SIK3: variants seen among roughly 807,000 people sequenced by gnomAD.
SIK3 encodes SIK family kinase 3, also known as serine/threonine-protein kinase SIK3.
SIK3 carries 28 observed loss-of-function variants against 144.2 expected under a neutral mutation model. The ratio of observed to expected loss-of-function variants is 0.19; its 90% confidence interval spans 0.14 to 0.27. The LOEUF is 0.27. Among genes scored for constraint, SIK3 ranks in the 10% least tolerant of loss-of-function variants. SIK3 has a pLI of 1.00. For synonymous variants in SIK3, 686 were observed against 676.3 expected, an observed-to-expected ratio of 1.01 and a Z score of -0.22; for missense variants, 1,319 against 1,776.0, an observed-to-expected ratio of 0.74 and a Z score of 4.62.
At chr11:117,073,784 G>A (rs1278990379) in intron 1 of SIK3, among the ~76,000 whole-genome samples, 2 of 152,192 alleles carry the variant, frequency 1.3e-5, no homozygotes, top group Admixed American at 1.3e-4. Flanking sequence ...GAAGAAGGCT[G>A]TTTCTCAGTC....
intron 15 of SIK3, chr11:116,865,033 T>A (rs1021928392): frequency 2.0e-5 from 3 of 152,158 alleles, no homozygotes; most frequent in African/African-American, 4.8e-5. Context: ...AGCACGAACA[T>A]GTATTTGGTT....
intron 22 of SIK3, among the ~76,000 whole-genome samples, chr11:116,848,595 G>A (rs145971889): frequency 1.3e-5 from 2 of 152,286 alleles, no homozygotes; most frequent in African/African-American, 4.8e-5. Flanking sequence ...AGTTTAGACT[G>A]AGAAGAGGTT....
intron 4 of SIK3, among the ~76,000 whole-genome samples, chr11:116,907,989 A>T (rs1186134178): frequency 9.8e-5 from 5 of 50,832 alleles, no homozygotes; most frequent in Non-Finnish European, 4.4e-4. Flanking sequence ...TTTTTATTTA[A>T]AAAAAAAAAA....
At chr11:116,965,167 A>G (rs667119) in intron 1 of SIK3, among the ~76,000 whole-genome samples, 1 of 152,112 alleles carries the variant, frequency 6.6e-6, no homozygotes, top group Non-Finnish European at 1.5e-5. Context: ...TTTAAAGACA[A>G]AAAGAAAATG....
chr11:117,070,973 C>CCCACG (rs1954251392), intron 1 of SIK3, among the ~76,000 whole-genome samples: 1 of 152,006 alleles, frequency 6.6e-6, no homozygotes, highest in East Asian at 1.9e-4. Context: ...AGGTGATCCA[C>CCCACG]CCACGTCGGC....
At position 116,870,076 on chromosome 11, in the gene SIK3, G is replaced by A. The variant is rs1943885219; in HGVS notation, c.1808+255C>T. 3 of 1,448,602 alleles carry A rather than the reference G, an allele frequency of 2.1e-6. 1 individual carries two copies. The South Asian group carries it at 3.7e-5, about 18-fold the overall frequency. 89.7% of individuals were successfully genotyped at this position (1,448,602 alleles called of 1,614,324 possible). ...ATGAAGGCAGGGGACAAGGAAGAAGGAGGGAGGAAAGAAAAAGTTCTTATG... is the reference window on the plus strand; with the variant it reads ...ATGAAGGCAGGGGACAAGGAAGAAGAAGGGAGGAAAGAAAAAGTTCTTATG... On this transcript the variant is annotated intron_variant, in intron 14 of 24. Coordinates refer to ENST00000445177, the MANE Select transcript of SIK3 (RefSeq NM_001366686.3).
In SIK3 at chr11:116,965,732, AAAATAT is replaced by A. The variant is rs1385476224; in HGVS notation, c.274-8674_274-8669del. Among the ~76,000 whole-genome samples the A allele has an allele frequency of 2.1e-4, 16 of 77,306 alleles. 2 individuals carry two copies. The highest frequency in any genetic ancestry group is 8.7e-4 in the African/African-American group (15 of 17,306). The allele number at this position is 77,306 out of a possible 152,430, so 50.7% of individuals were successfully genotyped here. On this transcript the variant is annotated intron_variant, in intron 1 of 24. Transcript: ENST00000445177. ...AACATGGTGAAAACCCGTCTCTGCT[AAAATAT>A]ATATATATATATATATATATATATA...
Position 116,954,084 on chromosome 11 carries a change from A to G in SIK3, c.414T>C (p.Ile138=). 1 of 1,614,072 alleles carries G rather than the reference A, an allele frequency of 6.2e-7. No individual in the cohort carries two copies. The highest frequency in any genetic ancestry group is 8.5e-7 in the Non-Finnish European group (1 of 1,179,954). Residue 138 remains isoleucine (I), a synonymous_variant, in exon 3 of 25, where the codon ATT becomes ATC. Transcript: ENST00000445177. ...CACTAGCATATTCTGTCACCAGATA[A>G]ATCATCCGTTCTGTCTCCATAACCT... The part of the protein sequence containing the change: ...LYQVMETERM[I]YLVTEYASGG...
intron 1 of SIK3, among the ~76,000 whole-genome samples, chr11:117,063,732 C>A (rs1953901062): frequency 6.6e-6 from 1 of 151,868 alleles, no homozygotes; most frequent in South Asian, 2.1e-4. Flanking sequence ...CTACGCCTGG[C>A]TAATTTTTTG....
rs148544242 is a variant in SIK3 at position 116,905,380 on chromosome 11, A to C, written c.617-8063T>G. Among the ~76,000 whole-genome samples the C allele has an allele frequency of 5.4e-3, 816 of 152,280 alleles. 8 individuals are homozygous for C. Among genetic ancestry groups the C allele is most frequent in the African/African-American group, 0.018 (766 of 41,560 alleles). On this transcript the variant is annotated intron_variant, in intron 4 of 24. Coordinates refer to ENST00000445177, the MANE Select transcript of SIK3 (RefSeq NM_001366686.3). ...TCTGTTGAACATTCAGGTTGTTTCC[A>C]CTTTGCAGCGACTAAAAATAATGCT... is the stretch of plus-strand genomic sequence containing the variant.
chr11:116,930,815 G>C (rs954670114), intron 3 of SIK3, among the ~76,000 whole-genome samples: 2 of 146,470 alleles, frequency 1.4e-5, no homozygotes, highest in South Asian at 4.2e-4. Context: ...GACACCTGCT[G>C]CATAAAGTCA....
intron 1 of SIK3, among the ~76,000 whole-genome samples, chr11:117,037,718 T>C (rs1952572740): frequency 1.3e-5 from 2 of 152,054 alleles, no homozygotes; most frequent in Admixed American, 6.6e-5. Context: ...CCTGTGTAAG[T>C]GGGGTGATTG....
chr11:116,875,506 TGA>T, intron 9 of SIK3, 55 bp from the exon 10 acceptor site: 1 of 1,560,078 alleles, frequency 6.4e-7, no homozygotes, highest in Non-Finnish European at 8.8e-7. Context: ...AGAGAAATAA[TGA>T]GTCTTTCCAA....
intron 18 of SIK3, among the ~76,000 whole-genome samples, chr11:116,861,607 T>C (rs927077930): frequency 6.6e-6 from 1 of 152,190 alleles, no homozygotes; most frequent in African/African-American, 2.4e-5. Context: ...TGTGGGCCTA[T>C]GTCTGGCTCC....
At chr11:116,993,207 T>A (rs1376716572) in intron 1 of SIK3, among the ~76,000 whole-genome samples, 1 of 152,138 alleles carries the variant, frequency 6.6e-6, no homozygotes, top group Non-Finnish European at 1.5e-5. Context: ...TTTTTAAAAC[T>A]TTAAAAACCC....
chr11:116,907,587 C>T (rs756413150), intron 4 of SIK3, among the ~76,000 whole-genome samples: 5 of 152,226 alleles, frequency 3.3e-5, no homozygotes, highest in African/African-American at 7.2e-5. Flanking sequence ...CGGAGGGTTG[C>T]ACCAGAGTCG....
At chr11:116,983,700 C>T (rs1028952107) in intron 1 of SIK3, among the ~76,000 whole-genome samples, 1 of 152,132 alleles carries the variant, frequency 6.6e-6, no homozygotes, top group African/African-American at 2.4e-5. Context: ...TGCCCCGATA[C>T]TTCACATGTT....
intron 1 of SIK3, among the ~76,000 whole-genome samples, chr11:117,045,773 A>G (rs951966512): frequency 2.0e-5 from 3 of 152,240 alleles, no homozygotes; most frequent in African/African-American, 7.2e-5. Flanking sequence ...TATTACAGTA[A>G]GTAATCTACT....
intron 1 of SIK3, among the ~76,000 whole-genome samples, chr11:117,071,573 GGAA>G (rs972255239): frequency 1.3e-5 from 2 of 151,668 alleles, no homozygotes; most frequent in Non-Finnish European, 2.9e-5. Flanking sequence ...ATAAATAGAA[GGAA>G]GAAGGGGAAG....
Sources: gnomAD v4.1 joint callset for allele counts (sites outside exome capture counted in the v4.1 genomes callset) on GRCh38, gnomAD v4.1.1 for gene constraint, MANE v1.5 for transcripts, NCBI Gene and HGNC (gene_info 2026-07-23, HGNC 2026-07-21) for gene names.